Variants in DPRX observed in about 807,000 individuals in gnomAD.
DPRX encodes the protein divergent paired-related homeobox.
DPRX carries 11 observed loss-of-function variants against 8.4 expected under a neutral mutation model. The ratio of observed to expected loss-of-function variants is 1.31; its 90% CI spans 0.82 to 2.17. The LOEUF (loss-of-function observed/expected upper bound fraction) is 2.17, where lower values mean the gene tolerates loss of function less well. DPRX is among the 30% of genes most tolerant of loss of function. The pLI, the probability that DPRX is intolerant of heterozygous loss-of-function variation, is 0.00. For synonymous variants in DPRX, 72 were observed against 87.0 expected (o/e 0.83, Z 0.96); for missense variants, 211 against 236.7 (o/e 0.89, Z 0.71).
chr19:53,626,544 ACT>A, the DPRX span, among the ~76,000 whole-genome samples: 1 of 151,902 alleles, frequency 6.6e-6, no homozygotes, highest in Admixed American at 6.6e-5. Flanking sequence ...ACAGAGGGAG[ACT>A]CTATCTCCAA....
At chr19:53,633,471 T>C (rs529097866) in intron 1 of DPRX, among the ~76,000 whole-genome samples, 84 of 152,160 alleles carry the variant, frequency 5.5e-4, no homozygotes, top group African/African-American at 1.8e-3. Flanking sequence ...ACCCAAGAGG[T>C]AAGGCACAAG....
chr19:53,634,517 C>T lies in DPRX; in HGVS notation c.29-14C>T. On this transcript the variant is annotated splice_polypyrimidine_tract_variant and intron_variant, in intron 1 of 2. Transcript: ENST00000376650. ...TAGCATTTCCCATTTGTGTCTTTTTCCTCCTCTTTCAAGGCAAGGACCAGA... is the reference window on the plus strand; with the variant it reads ...TAGCATTTCCCATTTGTGTCTTTTTTCTCCTCTTTCAAGGCAAGGACCAGA... 1.3e-6 allele frequency: 2 copies of T among 1,598,364 alleles called. No homozygotes were observed. The highest frequency in any genetic ancestry group is 8.5e-7 in the Non-Finnish European group (1 of 1,174,786).
chr19:53,634,164 C>A (rs1432534947), intron 1 of DPRX, among the ~76,000 whole-genome samples: 1 of 152,074 alleles, frequency 6.6e-6, no homozygotes, highest in Non-Finnish European at 1.5e-5. Flanking sequence ...GGCACAGTGG[C>A]TCACGCATGT....
At chr19:53,631,945 G>C (rs893499793), upstream of DPRX, 1 of 869,360 alleles carries the variant, frequency 1.2e-6, no homozygotes, top group Non-Finnish European at 1.8e-6. Flanking sequence ...AATCCAGGGG[G>C]CTCTGGAGGA....
chr19:53,636,701 A>C, exon 3 of DPRX: 1 of 1,614,130 alleles, frequency 6.2e-7, no homozygotes, highest in Non-Finnish European at 8.5e-7. Flanking sequence ...TGGGGTCTCC[A>C]CCAGTGTCGG....
the DPRX span, among the ~76,000 whole-genome samples, chr19:53,621,496 T>A: frequency 0.2 from 29,997 of 152,036 alleles, 3,242 homozygotes; most frequent in East Asian, 0.47. Context: ...CCACGATCTA[T>A]ATAAAATTTT....
the DPRX span, among the ~76,000 whole-genome samples, chr19:53,619,856 A>G: frequency 1.3e-5 from 1 of 79,882 alleles, no homozygotes; most frequent in Middle Eastern, 6.3e-3. Flanking sequence ...CTCTATCTCA[A>G]AAAAAAAAAA....
the DPRX span, among the ~76,000 whole-genome samples, chr19:53,611,976 C>T: frequency 2.0e-5 from 3 of 151,802 alleles, no homozygotes; most frequent in East Asian, 5.9e-4. Flanking sequence ...CCCAGCTACT[C>T]GGGAGGCTGA....
the DPRX span, among the ~76,000 whole-genome samples, chr19:53,624,603 T>G: frequency 6.6e-6 from 1 of 151,274 alleles, no homozygotes; most frequent in Admixed American, 6.6e-5. Flanking sequence ...TTAGTAGAGA[T>G]GGGGTTTCAC....
the DPRX span, among the ~76,000 whole-genome samples, chr19:53,608,953 CAAA>C: frequency 0.24 from 17,666 of 74,916 alleles, 965 homozygotes; most frequent in East Asian, 0.33. Flanking sequence ...GAGACTCCGT[CAAA>C]AAAAAAAAAA....
At chr19:53,626,061 T>C in the DPRX span, among the ~76,000 whole-genome samples, 1 of 151,986 alleles carries the variant, frequency 6.6e-6, no homozygotes, top group Non-Finnish European at 1.5e-5. Context: ...CTCAGCCTCC[T>C]GAGTAACAGG....
the DPRX span, among the ~76,000 whole-genome samples, chr19:53,623,140 C>T: frequency 2.7e-5 from 4 of 150,500 alleles, no homozygotes; most frequent in East Asian, 8.0e-4. Context: ...CCTGTATCTA[C>T]CAAAAATACA....
upstream of DPRX, among the ~76,000 whole-genome samples, chr19:53,628,060 C>T (rs745489227): frequency 2.8e-4 from 43 of 152,066 alleles, no homozygotes; most frequent in African/African-American, 1.0e-3. Flanking sequence ...CTAAAGCAAG[C>T]GCTTGGGCTG....
At chr19:53,619,874 G>A in the DPRX span, among the ~76,000 whole-genome samples, 1 of 146,494 alleles carries the variant, frequency 6.8e-6, no homozygotes, top group Non-Finnish European at 1.5e-5. Flanking sequence ...AAAAAAAAAG[G>A]ATAAGTTGCT....
the DPRX span, among the ~76,000 whole-genome samples, chr19:53,604,212 T>TA: frequency 6.6e-6 from 1 of 151,972 alleles, no homozygotes. Context: ...AATGATCATG[T>TA]ATAGGGACTG....
At chr19:53,605,307 C>T in the DPRX span, among the ~76,000 whole-genome samples, 188 of 151,934 alleles carry the variant, frequency 1.2e-3, 1 homozygote, top group Middle Eastern at 3.4e-3. Context: ...TAACCTGCTG[C>T]GCTCAAGCCA....
upstream of DPRX, among the ~76,000 whole-genome samples, chr19:53,627,158 A>C (rs1203177194): frequency 6.6e-6 from 1 of 152,168 alleles, no homozygotes; most frequent in Non-Finnish European, 1.5e-5. Flanking sequence ...ATTCAAGTGG[A>C]CTGAGCCTGG....
At chr19:53,616,906 G>A in the DPRX span, 2 of 1,460,498 alleles carry the variant, frequency 1.4e-6, no homozygotes, top group Non-Finnish European at 1.9e-6. Flanking sequence ...GACTATGTAT[G>A]CTCTGGTGGT....
the DPRX span, chr19:53,602,076 A>G: frequency 8.8e-6 from 4 of 456,710 alleles, no homozygotes; most frequent in Non-Finnish European, 1.8e-5. Context: ...CAGCAGCAAC[A>G]CAGCCGCTGC....
Sources: gnomAD v4.1 joint callset for allele counts (sites outside exome capture counted in the v4.1 genomes callset) on GRCh38, gnomAD v4.1.1 for gene constraint, MANE v1.5 for transcripts, NCBI Gene and HGNC (gene_info 2026-07-23, HGNC 2026-07-21) for gene names.